Variants in GRID2IP observed in about 807,000 individuals in gnomAD.
GRID2IP encodes delphilin.
Under a neutral mutation model 114.3 loss-of-function variants are expected in GRID2IP, and 78 were observed. The observed-to-expected ratio is 0.68, with a 90% CI of 0.57 to 0.82. The LOEUF is 0.82. Ranked by LOEUF, GRID2IP falls within the 40% of genes least tolerant of loss-of-function variation. The pLI is 0.00. For synonymous variants in GRID2IP, 809 were observed against 724.0 expected (o/e 1.12, Z -1.89); for missense variants, 1,727 against 1,678.5 (o/e 1.03, Z -0.51).
At position 6,503,082 on chromosome 7, in the gene GRID2IP, G is replaced by T. The variant is rs1786462795; in HGVS notation, c.2989C>A (p.Arg997=). 6.4e-7 allele frequency: 1 copy of T among 1,551,462 alleles called. No homozygotes were observed. Among genetic ancestry groups the T allele is most frequent in the East Asian group, 2.4e-5 (1 of 40,926 alleles). ...TGGCGCAAGCATTCAAGGCTGCCTC[G>T]GATCTCCTCTGTCTTCTCCTGGAGG... ...ATLQEKTEEI[R]GSLECLRQAS... The change falls in exon 17 of 22, where the codon CGA becomes AGA. Residue 997 remains arginine, a synonymous_variant. Transcript: ENST00000457091.
Position 6,551,397 on chromosome 7 carries a change from G to A in GRID2IP, c.40C>T (p.Pro14Ser), listed in dbSNP as rs1474712658. 2 of 1,547,590 alleles carry A rather than the reference G, an allele frequency of 1.3e-6. No homozygotes were observed. Among genetic ancestry groups the A allele is most frequent in the Non-Finnish European group, 1.7e-6 (2 of 1,145,622 alleles). ...TATPATNQGW[P>S]EDFGFRLGGS... ...CCTAGCCGGAAGCCAAAGTCCTCTG[G>A]CCAGCCCTGGTTCGTGGCCGGCGTG... The change falls in exon 1 of 22, where the codon CCA becomes TCA. Residue 14 changes from proline to serine, a missense_variant. Physicochemically the swap from Pro to Ser is moderately conservative, Grantham distance 74. Coordinates refer to ENST00000457091, the MANE Select transcript of GRID2IP (RefSeq NM_001145118.2).
chr7:6,550,966 GC>G (rs1175801039), intron 1 of GRID2IP, 41 bp downstream of exon 1: 4 of 1,174,698 alleles, frequency 3.4e-6, no homozygotes, highest in African/African-American at 1.6e-5. Flanking sequence ...CACATTATGA[GC>G]CCCCTCCTTC....
intron 1 of GRID2IP, among the ~76,000 whole-genome samples, chr7:6,546,429 C>T (rs148875821): frequency 0.023 from 3,474 of 151,540 alleles, 67 homozygotes; most frequent in Middle Eastern, 0.058. Flanking sequence ...ATTAGCCGGG[C>T]GTGGTGGTAC....
chr7:6,540,210 T>TCAAG (rs1779792491), intron 1 of GRID2IP, among the ~76,000 whole-genome samples: 1 of 151,736 alleles, frequency 6.6e-6, no homozygotes, highest in Non-Finnish European at 1.5e-5. Context: ...TCTCCCAGGT[T>TCAAG]CAAGCGATTC....
chr7:6,536,222 G>C lies in GRID2IP; in HGVS notation c.584+3496C>G, dbSNP rs1055805294. On this transcript the variant is annotated intron_variant, in intron 2 of 21. Transcript: ENST00000457091. The surrounding 1 kb of genome is among the most constrained non-coding windows in gnomAD (Gnocchi z 5.3). ...CGGGGTGGCTGAAGCCCTACTGCCA[G>C]GGTAACATTCTCCTTGCGGAGCCCA... Among the ~76,000 whole-genome samples the C allele has an allele frequency of 6.6e-6, 1 of 152,202 alleles. No homozygotes were observed. The highest frequency in any genetic ancestry group is 2.4e-5 in the African/African-American group (1 of 41,462).
intron 2 of GRID2IP, among the ~76,000 whole-genome samples, chr7:6,530,542 G>A (rs1200711689): frequency 6.8e-6 from 1 of 147,404 alleles, no homozygotes; most frequent in Admixed American, 6.9e-5. Context: ...CCAAAGTGCT[G>A]GGATTACAGG....
In GRID2IP at chr7:6,507,894, G is replaced by A; in HGVS notation, c.2544+91C>T. 1.3e-6 allele frequency: 2 copies of A among 1,501,766 alleles called. No individual in the cohort carries two copies. The highest frequency in any genetic ancestry group is 1.3e-5 in the South Asian group (1 of 75,750). 93.0% of individuals were successfully genotyped at this position (1,501,766 alleles called of 1,614,324 possible). On this transcript the variant is annotated intron_variant, in intron 13 of 21. Coordinates refer to ENST00000457091, the MANE Select transcript of GRID2IP (RefSeq NM_001145118.2). The surrounding 1 kb of genome is among the most constrained non-coding windows in gnomAD (Gnocchi z 5.3). ...GCTTGGGGTAGGGAGGATGATGTTG[G>A]AAGATGCCTGGCCGATGGGTTTTCC... is the stretch of plus-strand genomic sequence containing the variant.
At chr7:6,504,063 T>C (rs1417762692) in intron 15 of GRID2IP, among the ~76,000 whole-genome samples, 2 of 131,530 alleles carry the variant, frequency 1.5e-5, no homozygotes, top group Non-Finnish European at 3.1e-5. Context: ...GGGAAGCAGG[T>C]AGACCTGTGA....
rs781075160 is a variant in GRID2IP at position 6,509,174 on chromosome 7, C to T, written c.1911G>A (p.Arg637=). 116 of 1,474,366 alleles carry T rather than the reference C, an allele frequency of 7.9e-5. No individual in the cohort carries two copies. Among genetic ancestry groups the T allele is most frequent in the Non-Finnish European group, 9.8e-5 (109 of 1,110,702 alleles). 91.3% of individuals were successfully genotyped at this position (1,474,366 alleles called of 1,614,324 possible). A position where few individuals can be genotyped will look rare whatever the true frequency, so the allele number is the denominator to read the frequency against. The change falls in exon 12 of 22, where the codon AGG becomes AGA. Residue 637 remains arginine, a synonymous_variant. Coordinates refer to ENST00000457091, the MANE Select transcript of GRID2IP (RefSeq NM_001145118.2). This position sits in a 1 kb window ranked among gnomAD's most constrained non-coding sequence, Gnocchi z 4.9. ...CGGGGCCTGGCTGTGGGGAGGGTGC[C>T]CTGCTGCTGTCCAGGCTGGCGTAGG... ...SHPYASLDSS[R]APSPQPGPGP...
Position 6,534,536 on chromosome 7 carries a change from T to A in GRID2IP, c.584+5182A>T, listed in dbSNP as rs147038324. ...GGTGACCACGGACCCATCTCACCCT[T>A]TACAGCAGCAGCGCTGTCCAAGGGA... On this transcript the variant is annotated intron_variant, in intron 2 of 21. Coordinates refer to ENST00000457091, the MANE Select transcript of GRID2IP (RefSeq NM_001145118.2). This position sits in a 1 kb window ranked among gnomAD's most constrained non-coding sequence, Gnocchi z 4.5. Among the ~76,000 whole-genome samples the A allele has an allele frequency of 2.0e-5, 3 of 152,252 alleles. No homozygotes were observed. Among genetic ancestry groups the A allele is most frequent in the Non-Finnish European group, 4.4e-5 (3 of 68,014 alleles).
At chr7:6,527,345 C>T (rs1381454585) in intron 2 of GRID2IP, among the ~76,000 whole-genome samples, 1 of 152,188 alleles carries the variant, frequency 6.6e-6, no homozygotes, top group African/African-American at 2.4e-5. Flanking sequence ...CTTGCCCAGG[C>T]TCTTGCCCAG....
In GRID2IP at chr7:6,511,027, G is replaced by C; in HGVS notation, c.1436C>G (p.Pro479Arg). 6.8e-7 allele frequency: 1 copy of C among 1,463,216 alleles called. No homozygotes were observed. Among genetic ancestry groups the C allele is most frequent in the South Asian group, 1.3e-5 (1 of 74,162 alleles). The allele number at this position is 1,463,216 out of a possible 1,614,324, so 90.6% of individuals were successfully genotyped here. A position where few individuals can be genotyped will look rare whatever the true frequency, so the allele number is the denominator to read the frequency against. Residue 479 changes from proline (P) to arginine (R), a missense_variant, in exon 9 of 22, where the codon CCT (proline) becomes CGT (arginine). Pro to Arg is a moderately radical substitution (Grantham distance 103, BLOSUM62 -2). Transcript: ENST00000457091. ...GYTAMTAEPEPELDLESEPTP... is the reference protein window; with the variant it reads ...GYTAMTAEPERELDLESEPTP... ...GGGCTCGGACTCCAGGTCCAGCTCA[G>C]GCTCCGGCTCTGCTGTGGGACATGC...
At chr7:6,550,983 C>A in intron 1 of GRID2IP, 25 bp downstream of exon 1, 2 of 1,196,448 alleles carry the variant, frequency 1.7e-6, no homozygotes, top group South Asian at 7.6e-5. Flanking sequence ...CCTTCCCGCC[C>A]CCACCTCCCA....
Position 6,498,072 on chromosome 7 carries a change from T to C in GRID2IP, c.3556A>G (p.Lys1186Glu). 1 of 1,547,728 alleles carries C rather than the reference T, an allele frequency of 6.5e-7. No individual in the cohort carries two copies. Among genetic ancestry groups the C allele is most frequent in the Non-Finnish European group, 8.7e-7 (1 of 1,145,592 alleles). Reference sequence around the variant, plus strand: ...GCTCCAGCGAGGCTCACCTCGAATTTGCTCATGAACTCTGCAAAGATGCCG... The same window carrying C: ...GCTCCAGCGAGGCTCACCTCGAATTCGCTCATGAACTCTGCAAAGATGCCG... ...FFGIFAEFMS[K>E]FERALSDLQA... Residue 1186 changes from lysine to glutamate, a missense_variant, in exon 21 of 22, where the codon AAA becomes GAA. Transcript: ENST00000457091.
In GRID2IP at chr7:6,505,871, T is replaced by G; in HGVS notation, c.2581A>C (p.Met861Leu). Residue 861 changes from methionine (M) to leucine (L), a missense_variant, in exon 14 of 22, where the codon ATG (methionine) becomes CTG (leucine). Coordinates refer to ENST00000457091, the MANE Select transcript of GRID2IP (RefSeq NM_001145118.2). ...AGCTCCAGGTCGAGGTATTTCACCA[T>G]GTCACTCAGCTTATCGTAGTCAGAG... ...EDSDYDKLSD[M>L]VKYLDLELHF... The G allele has an allele frequency of 6.4e-7, 1 of 1,552,096 alleles. No individual in the cohort carries two copies. Among genetic ancestry groups the G allele is most frequent in the Non-Finnish European group, 8.7e-7 (1 of 1,147,020 alleles).
Position 6,510,390 on chromosome 7 carries a change from A to G in GRID2IP, c.1664T>C (p.Val555Ala). 1 of 1,531,620 alleles carries G rather than the reference A, an allele frequency of 6.5e-7. No homozygotes were observed. Among genetic ancestry groups the G allele is most frequent in the Non-Finnish European group, 8.8e-7 (1 of 1,136,464 alleles). The allele number at this position is 1,531,620 out of a possible 1,614,324, so 94.9% of individuals were successfully genotyped here. ...ETPNPKMMSA[V>A]YAELESRLNS... ...CAGTCGAGACTCAAGCTCTGCATAGACGGCTGACATCTGGAGGGAGACGGG... is the reference window on the plus strand; with the variant it reads ...CAGTCGAGACTCAAGCTCTGCATAGGCGGCTGACATCTGGAGGGAGACGGG... Residue 555 changes from valine (V) to alanine (A), a missense_variant, in exon 11 of 22, where the codon GTC becomes GCC. By Grantham distance (64) the Val-to-Ala change is moderately conservative (BLOSUM62 0). Coordinates refer to ENST00000457091, the MANE Select transcript of GRID2IP (RefSeq NM_001145118.2).
At position 6,509,110 on chromosome 7, in the gene GRID2IP, T is replaced by TGGGGGGGGGGGG; in HGVS notation, c.1974_1975insCCCCCCCCCCCC (p.Pro658_Thr659insProProProPro). 3.3e-6 allele frequency: 1 copy of TGGGGGGGGGGGG among 303,632 alleles called. No homozygotes were observed. Among genetic ancestry groups the TGGGGGGGGGGGG allele is most frequent in the Non-Finnish European group, 6.4e-6 (1 of 157,142 alleles). 18.8% of individuals were successfully genotyped at this position (303,632 alleles called of 1,614,324 possible). ...AGCTTCCTGCGGCTGGGCGGGCGGGTGGGGTCCGGGCTTGGGGGGCTGTCG... is the reference window on the plus strand; with the variant it reads ...AGCTTCCTGCGGCTGGGCGGGCGGGTGGGGGGGGGGGGGGGGTCCGGGCTTGGGGGGCTGTCG... On this transcript the variant is annotated inframe_insertion, in exon 12 of 22. Transcript: ENST00000457091. The surrounding 1 kb of genome is among the most constrained non-coding windows in gnomAD (Gnocchi z 4.9).
At chr7:6,512,650 A>C (rs1378777289) in intron 8 of GRID2IP, among the ~76,000 whole-genome samples, 1 of 151,992 alleles carries the variant, frequency 6.6e-6, no homozygotes, top group African/African-American at 2.4e-5. Context: ...AGTTGGAATT[A>C]CAACTGCGTA....
chr7:6,528,907 C>G lies in GRID2IP; in HGVS notation c.585-2138G>C, dbSNP rs117096086. Among the ~76,000 whole-genome samples, 4,969 of 152,242 alleles carry G rather than the reference C, an allele frequency of 0.033. 112 individuals carry two copies. Among genetic ancestry groups the G allele is most frequent in the Admixed American group, 0.061 (929 of 15,284 alleles). On this transcript the variant is annotated intron_variant, in intron 2 of 21. Coordinates refer to ENST00000457091, the MANE Select transcript of GRID2IP (RefSeq NM_001145118.2). This position sits in a 1 kb window ranked among gnomAD's most constrained non-coding sequence, Gnocchi z 6.0. ...AATCCGGAAACACAGCCTCATCCCC[C>G]AGATGGTCATTTAAGGTCTCCAGAG...
Sources: allele counts gnomAD v4.1 joint callset (sites outside exome capture counted in the v4.1 genomes callset), GRCh38; gene constraint gnomAD v4.1.1; non-coding constraint Gnocchi (gnomAD v3.1); transcripts MANE v1.5; gene names NCBI Gene and HGNC (gene_info 2026-07-23, HGNC 2026-07-21).